Variants in PCDH15 observed in about 807,000 individuals in gnomAD.
PCDH15 encodes the protein protocadherin related 15, also known as protocadherin-15.
A neutral mutation model predicts 178.5 loss-of-function variants in PCDH15; 129 were observed. The ratio of observed to expected loss-of-function variants is 0.72; its 90% CI spans 0.63 to 0.84. The LOEUF is 0.84. Ranked by LOEUF, PCDH15 falls within the 40% of genes least tolerant of loss-of-function variation. The pLI is 0.00. For synonymous variants in PCDH15, 800 were observed against 732.0 expected, an observed-to-expected ratio of 1.09 and a Z score of -1.50; for missense variants, 2,230 against 2,099.9, an observed-to-expected ratio of 1.06 and a Z score of -1.21.
intron 2 of PCDH15, among the ~76,000 whole-genome samples, chr10:55,067,602 C>T (rs1191649530): frequency 6.7e-6 from 1 of 150,252 alleles, no homozygotes; most frequent in African/African-American, 2.4e-5. Flanking sequence ...ACCCAAATAC[C>T]CAGTAGCGGA....
intron 2 of PCDH15, among the ~76,000 whole-genome samples, chr10:55,555,959 T>C (rs191273182): frequency 3.5e-4 from 53 of 152,248 alleles, no homozygotes; most frequent in African/African-American, 1.3e-3. Context: ...TTCAGATACC[T>C]TTTTTACTAG....
At chr10:54,080,556 T>C (rs1194014214) in intron 16 of PCDH15, among the ~76,000 whole-genome samples, 1 of 152,152 alleles carries the variant, frequency 6.6e-6, no homozygotes, top group Non-Finnish European at 1.5e-5. Context: ...TTAAGGTAAG[T>C]GCTTTTATTG....
intron 2 of PCDH15, among the ~76,000 whole-genome samples, chr10:55,060,398 T>G (rs938771042): frequency 3.3e-5 from 5 of 152,064 alleles, no homozygotes; most frequent in African/African-American, 1.2e-4. Flanking sequence ...TCACTTACTA[T>G]CTGCATAACC....
intron 2 of PCDH15, among the ~76,000 whole-genome samples, chr10:55,163,536 C>G (rs1839116169): frequency 6.6e-6 from 1 of 152,102 alleles, no homozygotes; most frequent in African/African-American, 2.4e-5. Flanking sequence ...GGAGATTAGA[C>G]CTTCTCAGTC....
At chr10:54,593,851 T>G (rs1165877214) in intron 2 of PCDH15, among the ~76,000 whole-genome samples, 1 of 152,126 alleles carries the variant, frequency 6.6e-6, no homozygotes, top group Admixed American at 6.6e-5. Context: ...ATCTATGCTT[T>G]AACATTTTTC....
At chr10:54,668,821 C>T (rs765519667) in intron 1 of PCDH15, among the ~76,000 whole-genome samples, 1 of 152,176 alleles carries the variant, frequency 6.6e-6, no homozygotes, top group Non-Finnish European at 1.5e-5. Context: ...TGAGAAACCC[C>T]ATACCAATAC....
chr10:55,559,532 G>C (rs1197912079), intron 2 of PCDH15, among the ~76,000 whole-genome samples: 2 of 151,946 alleles, frequency 1.3e-5, no homozygotes, highest in Admixed American at 1.3e-4. Context: ...ATGGAGAATA[G>C]TATCGGAGCA....
chr10:54,167,726 A>G (rs1425920676), intron 13 of PCDH15, among the ~76,000 whole-genome samples: 1 of 151,046 alleles, frequency 6.6e-6, no homozygotes, highest in Non-Finnish European at 1.5e-5. Flanking sequence ...AGAACCCCCA[A>G]TCTCTTATTT....
At chr10:55,274,703 A>G (rs1842540257) in intron 1 of PCDH15, among the ~76,000 whole-genome samples, 1 of 152,110 alleles carries the variant, frequency 6.6e-6, no homozygotes, top group African/African-American at 2.4e-5. Flanking sequence ...TGTTTCATGG[A>G]AGACAAATTT....
chr10:53,972,213 G>A (rs1300246930), intron 21 of PCDH15, among the ~76,000 whole-genome samples: 3 of 152,138 alleles, frequency 2.0e-5, no homozygotes, highest in Non-Finnish European at 4.4e-5. Flanking sequence ...AATAAATGGT[G>A]CTGGGAAAAC....
rs188152147 is a variant in PCDH15 at position 55,235,851 on chromosome 10, G to A, written c.-155-69200C>T. Among the ~76,000 whole-genome samples the A allele has an allele frequency of 1.6e-4, 23 of 147,032 alleles. 1 individual carries two copies. In the East Asian group the frequency reaches 4.7e-3, roughly 30 times the overall value. Reference sequence around the variant, plus strand: ...GAACCCGGGAGGTGGAGGTTGCAGTGAGCCGAGACTGCGCCACTGCACTCC... The same window carrying A: ...GAACCCGGGAGGTGGAGGTTGCAGTAAGCCGAGACTGCGCCACTGCACTCC... On this transcript the variant is annotated intron_variant, in intron 1 of 5. Coordinates refer to the PCDH15 transcript ENST00000458638.
At chr10:55,195,486 C>CA (rs34476628) in intron 1 of PCDH15, among the ~76,000 whole-genome samples, 7,395 of 115,038 alleles carry the variant, frequency 0.064, 239 homozygotes, top group South Asian at 0.12. Flanking sequence ...ACTAAAAATA[C>CA]AAAAAAAAAA....
intron 1 of PCDH15, among the ~76,000 whole-genome samples, chr10:55,198,066 T>C (rs1490421546): frequency 6.6e-6 from 1 of 152,134 alleles, no homozygotes; most frequent in East Asian, 1.9e-4. Flanking sequence ...AGATAGATAG[T>C]GAATGGTAAG....
chr10:54,066,495 A>G (rs1429563227), intron 18 of PCDH15, among the ~76,000 whole-genome samples: 1 of 152,238 alleles, frequency 6.6e-6, no homozygotes, highest in Admixed American at 6.5e-5. Context: ...TTTTAATTTC[A>G]GAAACTAAAA....
chr10:53,920,114 A>G (rs891894699), intron 25 of PCDH15, among the ~76,000 whole-genome samples: 2 of 152,146 alleles, frequency 1.3e-5, no homozygotes, highest in Non-Finnish European at 2.9e-5. Context: ...AAGATGAGAA[A>G]TCCCATTTCT....
chr10:54,247,881 A>AAAATATATAT (rs1260841226), intron 8 of PCDH15, among the ~76,000 whole-genome samples: 3 of 148,494 alleles, frequency 2.0e-5, no homozygotes, highest in African/African-American at 7.4e-5. Flanking sequence ...AAAAAAAAGA[A>AAAATATATAT]ATATGTATAT....
At chr10:54,658,229 G>T (rs1256840570) in intron 2 of PCDH15, among the ~76,000 whole-genome samples, 8 of 151,904 alleles carry the variant, frequency 5.3e-5, no homozygotes, top group Admixed American at 5.2e-4. Flanking sequence ...AAATAATTGA[G>T]GAAAATTTTC....
At chr10:54,821,244 G>A (rs1381884303) in intron 3 of PCDH15, among the ~76,000 whole-genome samples, 2 of 151,976 alleles carry the variant, frequency 1.3e-5, no homozygotes, top group Admixed American at 6.6e-5. Context: ...TTACAACACA[G>A]TTCTAGACTA....
At chr10:54,297,638 G>A (rs189047083) in intron 8 of PCDH15, among the ~76,000 whole-genome samples, 36 of 152,178 alleles carry the variant, frequency 2.4e-4, no homozygotes, top group Non-Finnish European at 4.1e-4. Context: ...ATATCCAAAG[G>A]ACCACAAAAT....
Sources: gnomAD v4.1 joint callset for allele counts (sites outside exome capture counted in the v4.1 genomes callset) on GRCh38, gnomAD v4.1.1 for gene constraint, MANE v1.5 for transcripts, NCBI Gene and HGNC (gene_info 2026-07-23, HGNC 2026-07-21) for gene names.